The following SND1 variants were observed in gnomAD, a reference collection of about 807,000 sequenced individuals.
SND1 encodes staphylococcal nuclease domain-containing protein 1.
A neutral mutation model predicts 121.7 loss-of-function variants in SND1; 38 were observed. The observed-to-expected ratio is 0.31, with a 90% CI of 0.24 to 0.41. The LOEUF is 0.41. Among genes scored for constraint, SND1 ranks in the 10% least tolerant of loss-of-function variants. SND1 has a pLI of 1.00. For synonymous variants in SND1, 401 were observed against 447.4 expected (o/e 0.90, Z 1.31); for missense variants, 868 against 1,184.6 (o/e 0.73, Z 3.92).
At chr7:127,884,445 C>A (rs1773203785) in intron 12 of SND1, among the ~76,000 whole-genome samples, 1 of 152,160 alleles carries the variant, frequency 6.6e-6, no homozygotes, top group South Asian at 2.1e-4. Flanking sequence ...TCAGCCAAGG[C>A]TATGCTTCCC....
intron 11 of SND1, among the ~76,000 whole-genome samples, chr7:127,838,515 A>G (rs1211503473): frequency 6.6e-6 from 1 of 152,210 alleles, no homozygotes; most frequent in Non-Finnish European, 1.5e-5. Flanking sequence ...TAGTTAACCT[A>G]TTATTTGAGA....
At chr7:127,861,181 TC>T (rs1353002872) in intron 12 of SND1, among the ~76,000 whole-genome samples, 1 of 152,202 alleles carries the variant, frequency 6.6e-6, no homozygotes, top group Non-Finnish European at 1.5e-5. Context: ...ATGTTAAATA[TC>T]TTGAATATCA....
intron 12 of SND1, among the ~76,000 whole-genome samples, chr7:127,880,432 A>G (rs1799768895): frequency 2.0e-5 from 3 of 152,144 alleles, no homozygotes; most frequent in Admixed American, 2.0e-4. Flanking sequence ...CTACTGTATT[A>G]TGGATATACT....
At chr7:128,089,426 A>G (rs1465012352) in intron 21 of SND1, 63 bp from the exon 22 acceptor site, 5 of 1,482,264 alleles carry the variant, frequency 3.4e-6, no homozygotes, top group East Asian at 2.3e-5. Flanking sequence ...GTCTATGGAC[A>G]GGAGCTGGGG....
intron 1 of SND1, among the ~76,000 whole-genome samples, chr7:127,664,343 C>A (rs1485921857): frequency 6.6e-6 from 1 of 152,150 alleles, no homozygotes; most frequent in African/African-American, 2.4e-5. Flanking sequence ...GTGAGTGGGG[C>A]CTGGTTACTA....
rs530871897 is a variant in SND1, at chr7:127,870,099, A to G, written c.1344-17803A>G. The stretch of plus-strand genomic sequence containing the variant: ...CCAGGTCCATCACTAAATACTACTT[A>G]CTATCTCTGGGTCTCAGTTTAGCCA... On this transcript the variant is annotated intron_variant, in intron 12 of 23. Transcript: ENST00000354725. Among the ~76,000 whole-genome samples, 59 of 152,296 alleles carry G rather than the reference A, an allele frequency of 3.9e-4. 3 individuals are homozygous for G. The South Asian group carries it at 0.012, about 32-fold the overall frequency.
At chr7:128,061,469 C>A (rs1793230039) in intron 16 of SND1, among the ~76,000 whole-genome samples, 1 of 152,190 alleles carries the variant, frequency 6.6e-6, no homozygotes, top group South Asian at 2.1e-4. Flanking sequence ...GATGCCCGGG[C>A]TAGGCAAGGA....
At chr7:128,082,072 C>T (rs1793614189) in intron 18 of SND1, 1 of 457,934 alleles carries the variant, frequency 2.2e-6, no homozygotes, top group African/African-American at 2.0e-5. Context: ...CTCCTTCCGT[C>T]CTGAGTGGTG....
At chr7:127,862,481 A>G (rs1216101300) in intron 12 of SND1, among the ~76,000 whole-genome samples, 1 of 152,172 alleles carries the variant, frequency 6.6e-6, no homozygotes, top group Non-Finnish European at 1.5e-5. Flanking sequence ...CAACCAGTTA[A>G]AAAAAATTCA....
chr7:127,668,143 C>T (rs1486040975), intron 1 of SND1, among the ~76,000 whole-genome samples: 1 of 152,194 alleles, frequency 6.6e-6, no homozygotes, highest in Non-Finnish European at 1.5e-5. Flanking sequence ...AATGTAGACC[C>T]TCAGACCCTA....
chr7:127,954,919 A>C (rs1801557902), intron 15 of SND1, among the ~76,000 whole-genome samples: 2 of 152,142 alleles, frequency 1.3e-5, no homozygotes, highest in African/African-American at 4.8e-5. Context: ...TCTCTAGGAG[A>C]TGACAAGCAG....
chr7:127,952,741 T>G (rs929019432), intron 15 of SND1, among the ~76,000 whole-genome samples: 1 of 152,240 alleles, frequency 6.6e-6, no homozygotes, highest in Non-Finnish European at 1.5e-5. Context: ...ACCCAATATT[T>G]TGAGGCCCAT....
At chr7:127,735,690 G>A (rs777042995) in intron 10 of SND1, among the ~76,000 whole-genome samples, 1 of 152,102 alleles carries the variant, frequency 6.6e-6, no homozygotes, top group Non-Finnish European at 1.5e-5. Flanking sequence ...GCAGTGGCAC[G>A]ATCTTGGCTC....
chr7:127,681,661 A>G (rs1795729720), intron 1 of SND1, among the ~76,000 whole-genome samples: 1 of 152,100 alleles, frequency 6.6e-6, no homozygotes, highest in South Asian at 2.1e-4. Flanking sequence ...TCTTTTGTAT[A>G]TGGTATGACG....
intron 2 of SND1, chr7:127,692,390 A>G (rs1795936610): frequency 6.6e-6 from 1 of 152,236 alleles, no homozygotes; most frequent in Non-Finnish European, 1.5e-5. Context: ...CATCATTTGA[A>G]TAGACCACAG....
intron 14 of SND1, among the ~76,000 whole-genome samples, chr7:127,909,619 A>G (rs1563055117): frequency 1.3e-5 from 2 of 152,014 alleles, no homozygotes; most frequent in African/African-American, 2.4e-5. Flanking sequence ...CATCACACCC[A>G]CAGGATCTTG....
rs142104701 is a variant in SND1 at position 128,052,113 on chromosome 7, G to A, written c.1780-22389G>A. On this transcript the variant is annotated intron_variant, in intron 16 of 23. Transcript: ENST00000354725. The surrounding 1 kb of genome is among the most constrained non-coding windows in gnomAD (Gnocchi z 4.6). Reference sequence around the variant, plus strand: ...GGATGACATTTGCTTTGGGGAGGAAGCATTGGGACAGATGACCTTCAGTTC... The same window carrying A: ...GGATGACATTTGCTTTGGGGAGGAAACATTGGGACAGATGACCTTCAGTTC... Among the ~76,000 whole-genome samples the A allele has an allele frequency of 5.4e-4, 82 of 152,318 alleles. No homozygotes were observed. The East Asian group carries it at 0.014, about 26-fold the overall frequency.
intron 1 of SND1, 141 bp from the exon 2 acceptor site, chr7:127,686,472 A>G (rs767347529): frequency 6.0e-6 from 5 of 835,204 alleles, no homozygotes; most frequent in Non-Finnish European, 9.0e-6. Context: ...AATCCTGTTT[A>G]TTTAGTCATT....
At chr7:127,829,460 A>G (rs1376980775) in intron 11 of SND1, among the ~76,000 whole-genome samples, 1 of 152,198 alleles carries the variant, frequency 6.6e-6, no homozygotes, top group Non-Finnish European at 1.5e-5. Flanking sequence ...TTAGGAGATT[A>G]AAAGACTCCT....
Sources: gnomAD v4.1 joint callset for allele counts (sites outside exome capture counted in the v4.1 genomes callset) on GRCh38, gnomAD v4.1.1 for gene constraint, Gnocchi (gnomAD v3.1) non-coding constraint, MANE v1.5 for transcripts, NCBI Gene and HGNC (gene_info 2026-07-23, HGNC 2026-07-21) for gene names.